The following RPGRIP1 variants were observed in gnomAD, a reference collection of about 807,000 sequenced individuals.
The protein encoded by RPGRIP1 is RPGR interacting protein 1, also known as X-linked retinitis pigmentosa GTPase regulator-interacting protein 1.
In RPGRIP1, 128 loss-of-function variants were observed where a neutral mutation model predicts 157.9. The observed-to-expected ratio is 0.81, with a 90% confidence interval of 0.70 to 0.94. RPGRIP1 has a LOEUF of 0.94. Ranked by LOEUF, RPGRIP1 falls within the 40% of genes least tolerant of loss-of-function variation. The pLI is 0.00. For missense variants in RPGRIP1, 1,486 were observed against 1,545.8 expected (o/e 0.96, Z 0.65); for synonymous variants, 554 against 571.6 (o/e 0.97, Z 0.44).
At chr14:21,294,195 G>C (rs778874599) in intron 2 of RPGRIP1, among the ~76,000 whole-genome samples, 1 of 151,524 alleles carries the variant, frequency 6.6e-6, no homozygotes, top group South Asian at 2.1e-4. Flanking sequence ...AATATAGAAA[G>C]GGTCTCCAGG....
Position 21,325,984 on chromosome 14 carries a change from G to A in RPGRIP1, c.2521G>A (p.Ala841Thr), listed in dbSNP as rs1883053136. The change falls in exon 17 of 25, where the codon GCC becomes ACC. Residue 841 changes from alanine to threonine, a missense_variant. By Grantham distance (58) the Ala-to-Thr change is moderately conservative (BLOSUM62 0). Coordinates refer to ENST00000400017, the MANE Select transcript of RPGRIP1 (RefSeq NM_020366.4). The stretch of plus-strand genomic sequence containing the variant: ...TGACCATGACACTGCCATCATTCCA[G>A]CCAGTAACAACCCCTACTTTAGAGA... ...FSDHDTAIIP[A>T]SNNPYFRDQA... 6.2e-7 allele frequency: 1 copy of A among 1,613,972 alleles called. No homozygotes were observed.
intron 4 of RPGRIP1, among the ~76,000 whole-genome samples, chr14:21,301,548 G>A (rs1220000155): frequency 6.6e-6 from 1 of 151,860 alleles, no homozygotes; most frequent in Non-Finnish European, 1.5e-5. Context: ...ATGGTGGCGC[G>A]CACCTGTAGT....
intron 10 of RPGRIP1, 51 bp downstream of exon 10, chr14:21,312,557 A>G: frequency 8.2e-7 from 1 of 1,215,212 alleles, no homozygotes; most frequent in Non-Finnish European, 1.2e-6. Flanking sequence ...AAGACATTAT[A>G]GAAAGTTCAT....
intron 9 of RPGRIP1, 45 bp from the exon 10 acceptor site, chr14:21,312,388 G>A (rs779504787): frequency 7.3e-7 from 1 of 1,374,112 alleles, no homozygotes; most frequent in African/African-American, 1.4e-5. Flanking sequence ...CTGTGCAGGG[G>A]AATAGATTTT....
chr14:21,330,266 G>A lies in RPGRIP1; in HGVS notation c.3117G>A (p.Glu1039=). 6.4e-7 allele frequency: 1 copy of A among 1,570,524 alleles called. No homozygotes were observed. Among genetic ancestry groups the A allele is most frequent in the African/African-American group, 1.4e-5 (1 of 71,884 alleles). ...GNTPEQVNYT[E]WKFSETNSFI... ...TTCTGAAGCAGGTGAATTACACTGA[G>A]TGGAAGTTCTCAGAGACTAACAGCT... is the stretch of plus-strand genomic sequence containing the variant. The change falls in exon 20 of 25, where the codon GAG becomes GAA. Residue 1039 remains glutamate (E), a synonymous_variant. Coordinates refer to ENST00000400017, the MANE Select transcript of RPGRIP1 (RefSeq NM_020366.4).
At chr14:21,334,111 G>A (rs1307941128) in intron 20 of RPGRIP1, among the ~76,000 whole-genome samples, 3 of 151,774 alleles carry the variant, frequency 2.0e-5, no homozygotes, top group Non-Finnish European at 2.9e-5. Flanking sequence ...TAGTAGAGAC[G>A]GGGCTTCACC....
intron 12 of RPGRIP1, among the ~76,000 whole-genome samples, chr14:21,320,595 C>CT (rs34911429): frequency 0.025 from 2,334 of 95,178 alleles, 111 homozygotes; most frequent in African/African-American, 0.062. Flanking sequence ...CCGGCCCACT[C>CT]TTTTTTTTTT....
In RPGRIP1 at chr14:21,327,789, G is replaced by A. The variant is rs1405792437; in HGVS notation, c.2877G>A (p.Lys959=). The change falls in exon 18 of 25, where the codon AAG becomes AAA. Residue 959 remains lysine, a synonymous_variant. Transcript: ENST00000400017. ...DSSKISSEEE[K]ASFPSQDQMA... Reference sequence around the variant, plus strand: ...CAAAGATCTCATCTGAAGAGGAAAAGGCTTCATTTCCTTCCCAGGTAACTC... The same window carrying A: ...CAAAGATCTCATCTGAAGAGGAAAAAGCTTCATTTCCTTCCCAGGTAACTC... The A allele has an allele frequency of 1.9e-6, 3 of 1,598,712 alleles. No homozygotes were observed. Among genetic ancestry groups the A allele is most frequent in the Non-Finnish European group, 2.6e-6 (3 of 1,172,550 alleles).
rs1473434491 is a variant in RPGRIP1 at position 21,312,440 on chromosome 14, A to G, written c.1085A>G (p.Glu362Gly). 6 of 1,605,586 alleles carry G rather than the reference A, an allele frequency of 3.7e-6. No homozygotes were observed. The highest frequency in any genetic ancestry group is 5.1e-6 in the Non-Finnish European group (6 of 1,173,638). The change falls in exon 10 of 25, where the codon GAG (glutamate) becomes GGG (glycine). Residue 362 changes from glutamate (E) to glycine (G), a missense_variant. By Grantham distance (98) the Glu-to-Gly change is moderately conservative. Coordinates refer to ENST00000400017, the MANE Select transcript of RPGRIP1 (RefSeq NM_020366.4). Reference sequence around the variant, plus strand: ...GGCTACTATCACTCTTAGTTTCAGGAGAGAGTTGAAGATTTGGAAAAAGAA... The same window carrying G: ...GGCTACTATCACTCTTAGTTTCAGGGGAGAGTTGAAGATTTGGAAAAAGAA... ...ILQMTLKEFQ[E>G]RVEDLEKERK...
At chr14:21,310,844 T>C in intron 8 of RPGRIP1, 1 of 681,106 alleles carries the variant, frequency 1.5e-6, no homozygotes, top group Non-Finnish European at 2.7e-6. Context: ...ATATTTGGCA[T>C]GGTATTTTTA....
chr14:21,318,094 TTTTGTTTGTTTG>T (rs370997086), intron 11 of RPGRIP1: 1 of 652,358 alleles, frequency 1.5e-6, no homozygotes, highest in African/African-American at 1.8e-5. Context: ...AGATGCTAGT[TTTTGTTTGTTTG>T]TTTGTTTGTT....
intron 2 of RPGRIP1, among the ~76,000 whole-genome samples, chr14:21,290,692 G>A (rs1239558879): frequency 3.3e-5 from 5 of 152,040 alleles, no homozygotes; most frequent in South Asian, 2.1e-4. Flanking sequence ...GGTGGCGGGC[G>A]CCTGTATTCC....
chr14:21,348,708 C>T (rs151015322), intron 24 of RPGRIP1, among the ~76,000 whole-genome samples: 2,923 of 145,250 alleles, frequency 0.02, 36 homozygotes, highest in Non-Finnish European at 0.03. Context: ...CTCTGTCGCC[C>T]AGGCTGGAGT....
intron 21 of RPGRIP1, among the ~76,000 whole-genome samples, chr14:21,337,753 AT>A (rs60322777): frequency 0.021 from 2,106 of 98,288 alleles, 36 homozygotes; most frequent in African/African-American, 0.073. Context: ...TAGGTTAAGC[AT>A]TTTTTTTTTT....
At chr14:21,286,428 G>A (rs888267257) in intron 1 of RPGRIP1, among the ~76,000 whole-genome samples, 1 of 149,820 alleles carries the variant, frequency 6.7e-6, no homozygotes, top group African/African-American at 2.5e-5. Context: ...AGACTGGTAA[G>A]ATAAATCAAA....
At position 21,325,905 on chromosome 14, in the gene RPGRIP1, A is replaced by G; in HGVS notation, c.2442A>G (p.Arg814=). The G allele has an allele frequency of 6.2e-7, 1 of 1,613,942 alleles. No individual in the cohort carries two copies. Among genetic ancestry groups the G allele is most frequent in the Non-Finnish European group, 8.5e-7 (1 of 1,179,876 alleles). ...EITKCCGLRS[R]WLGTQPSPYA... is the part of the protein sequence containing the mutation. ...CCAAGTGCTGTGGCCTCCGGAGTCG[A>G]TGGCTGGGAACTCAACCCAGTCCAT... is the stretch of plus-strand genomic sequence containing the variant. Residue 814 remains arginine (R), a synonymous_variant, in exon 17 of 25, where the codon CGA becomes CGG. Coordinates refer to ENST00000400017, the MANE Select transcript of RPGRIP1 (RefSeq NM_020366.4).
At position 21,348,396 on chromosome 14, in the gene RPGRIP1, G is replaced by T; in HGVS notation, c.3748+94G>T. 3.0e-6 allele frequency: 3 copies of T among 984,266 alleles called. No homozygotes were observed. In the South Asian group the frequency reaches 5.2e-5, roughly 17 times the overall value. The allele number at this position is 984,266 out of a possible 1,614,324, so 61.0% of individuals were successfully genotyped here. A position where few individuals can be genotyped will look rare whatever the true frequency, so the allele number is the denominator to read the frequency against. ...TTCAATACATAATTATTACTATGAAGTTGATAAGACACAAAGTGGATTGAA... is the reference window on the plus strand; with the variant it reads ...TTCAATACATAATTATTACTATGAATTTGATAAGACACAAAGTGGATTGAA... On this transcript the variant is annotated intron_variant, in intron 24 of 24. Transcript: ENST00000400017.
chr14:21,305,049 G>A (rs1204858462), intron 6 of RPGRIP1, among the ~76,000 whole-genome samples: 1 of 152,182 alleles, frequency 6.6e-6, no homozygotes, highest in African/African-American at 2.4e-5. Context: ...TAATCCGCCT[G>A]TCTCAGCTTC....
rs1883976198 is a variant in RPGRIP1 at position 21,333,251 on chromosome 14, A to G, written c.3239-1354A>G. On this transcript the variant is annotated intron_variant, in intron 20 of 24. Coordinates refer to ENST00000400017, the MANE Select transcript of RPGRIP1 (RefSeq NM_020366.4). The stretch of plus-strand genomic sequence containing the variant: ...TTATTAATCTTTTAGACAAAGATCT[A>G]AGGGTATTAGGTAAAGGCCATCAAG... Among the ~76,000 whole-genome samples, 6 of 152,216 alleles carry G rather than the reference A, an allele frequency of 3.9e-5. No individual in the cohort carries two copies. The South Asian group carries it at 1.2e-3, about 31-fold the overall frequency.
Sources: allele counts gnomAD v4.1 joint callset (sites outside exome capture counted in the v4.1 genomes callset), GRCh38; gene constraint gnomAD v4.1.1; transcripts MANE v1.5; gene names NCBI Gene and HGNC (gene_info 2026-07-23, HGNC 2026-07-21).